DCAF10: variants seen among roughly 807,000 people sequenced by gnomAD.
The protein encoded by DCAF10 is DDB1- and CUL4-associated factor 10.
Under a neutral mutation model 51.9 loss-of-function variants are expected in DCAF10, and 19 were observed. That is an observed-to-expected ratio of 0.37 (90% confidence interval 0.26 to 0.54). The LOEUF is 0.54. Ranked by LOEUF, DCAF10 falls within the 20% of genes least tolerant of loss-of-function variation. DCAF10 has a pLI of 0.87. For synonymous variants in DCAF10, 291 were observed against 297.1 expected (o/e 0.98, Z 0.21); for missense variants, 510 against 730.6 (o/e 0.70, Z 3.48).
At chr9:37,811,289 A>T (rs1286012325) in intron 1 of DCAF10, among the ~76,000 whole-genome samples, 1 of 148,592 alleles carries the variant, frequency 6.7e-6, no homozygotes, top group African/African-American at 2.4e-5. Context: ...CTATAATCAC[A>T]TCACTACACT....
Position 37,861,526 on chromosome 9 carries a change from T to C in DCAF10, c.*18T>C. On this transcript the variant is annotated 3_prime_UTR_variant, in exon 7 of 7. Coordinates refer to ENST00000377724, the MANE Select transcript of DCAF10 (RefSeq NM_024345.5). The surrounding 1 kb of genome is among the most constrained non-coding windows in gnomAD (Gnocchi z 4.9). ...AGTTTTAGGCACAACTTACATCAAATAAGGAACTCTTCTGGTGTTTGACTT... is the reference window on the plus strand; with the variant it reads ...AGTTTTAGGCACAACTTACATCAAACAAGGAACTCTTCTGGTGTTTGACTT... The C allele has an allele frequency of 6.3e-7, 1 of 1,593,170 alleles. No homozygotes were observed. The highest frequency in any genetic ancestry group is 1.1e-5 in the South Asian group (1 of 89,668).
chr9:37,826,370 A>C (rs944397151), intron 2 of DCAF10, among the ~76,000 whole-genome samples: 1 of 152,212 alleles, frequency 6.6e-6, no homozygotes, highest in African/African-American at 2.4e-5. Flanking sequence ...GGACTGCAAA[A>C]ATTTAAAAGC....
intron 1 of DCAF10, among the ~76,000 whole-genome samples, chr9:37,806,161 C>A (rs1250010460): frequency 6.6e-6 from 1 of 152,188 alleles, no homozygotes; most frequent in Admixed American, 6.5e-5. Flanking sequence ...TCGTAGACTA[C>A]ATTCAGGCCT....
intron 3 of DCAF10, among the ~76,000 whole-genome samples, chr9:37,853,868 C>G (rs1830767053): frequency 6.6e-6 from 1 of 151,984 alleles, no homozygotes; most frequent in East Asian, 1.9e-4. Flanking sequence ...CACCCCTAGC[C>G]TACTGATCAT....
chr9:37,807,999 A>C (rs879795024), intron 1 of DCAF10, among the ~76,000 whole-genome samples: 1 of 152,120 alleles, frequency 6.6e-6, no homozygotes, highest in Non-Finnish European at 1.5e-5. Flanking sequence ...ACTTAACTGT[A>C]TGTAACAGCC....
intron 1 of DCAF10, among the ~76,000 whole-genome samples, chr9:37,817,329 G>A (rs1366320497): frequency 2.6e-5 from 4 of 152,206 alleles, no homozygotes; most frequent in African/African-American, 9.7e-5. Flanking sequence ...GGTTGGCTTT[G>A]TGTGGTGGCT....
chr9:37,819,313 C>G lies in DCAF10; in HGVS notation c.565C>G (p.Gln189Glu). 1.9e-6 allele frequency: 3 copies of G among 1,613,786 alleles called. No individual in the cohort carries two copies. Among genetic ancestry groups the G allele is most frequent in the Non-Finnish European group, 2.5e-6 (3 of 1,179,850 alleles). ...DGSVLTVACE[Q>E]TEVLLFDPIS... Reference sequence around the variant, plus strand: ...GTCAGTGCTGACAGTTGCTTGTGAACAAACTGAAGTTCTGCTTTTTGACCC... The same window carrying G: ...GTCAGTGCTGACAGTTGCTTGTGAAGAAACTGAAGTTCTGCTTTTTGACCC... Residue 189 changes from glutamine to glutamate, a missense_variant, in exon 2 of 7, where the codon CAA (glutamine) becomes GAA (glutamate). By Grantham distance (29) the Gln-to-Glu change is conservative. Transcript: ENST00000377724.
At chr9:37,812,136 C>T (rs1239894205) in intron 1 of DCAF10, among the ~76,000 whole-genome samples, 4 of 151,664 alleles carry the variant, frequency 2.6e-5, no homozygotes, top group Admixed American at 6.6e-5. Flanking sequence ...GCTGAGATTG[C>T]GCCACTGCAT....
rs563434018 is a variant in DCAF10 at position 37,823,915 on chromosome 9, A to G, written c.653+4514A>G. ...TTTTTTTTTGAGACAGAGTCTCACT[A>G]TGTTGCCCAGGCTGGAGTGCAGTGG... On this transcript the variant is annotated intron_variant, in intron 2 of 6. Coordinates refer to ENST00000377724, the MANE Select transcript of DCAF10 (RefSeq NM_024345.5). Among the ~76,000 whole-genome samples, 7 of 125,092 alleles carry G rather than the reference A, an allele frequency of 5.6e-5. No individual in the cohort carries two copies. The South Asian group carries it at 1.7e-3, about 30-fold the overall frequency. 82.1% of individuals were successfully genotyped at this position (125,092 alleles called of 152,430 possible).
rs1831108195 is a variant in DCAF10 at position 37,865,020 on chromosome 9, C to T, written c.*3512C>T. 6.6e-6 allele frequency: 1 copy of T among 151,776 alleles called. No individual in the cohort carries two copies. Among genetic ancestry groups the T allele is most frequent in the Non-Finnish European group, 1.5e-5 (1 of 67,976 alleles). 9.4% of individuals were successfully genotyped at this position (151,776 alleles called of 1,614,324 possible). On this transcript the variant is annotated 3_prime_UTR_variant, in exon 7 of 7. Coordinates refer to ENST00000377724, the MANE Select transcript of DCAF10 (RefSeq NM_024345.5). ...CTGTGCTTACTGCTTTACCATTGTG[C>T]TCTTTAGTTTGTAAAGTATGGTAAG...
intron 6 of DCAF10, 93 bp downstream of exon 6, chr9:37,860,286 C>T (rs1830976700): frequency 6.6e-7 from 1 of 1,518,994 alleles, no homozygotes; most frequent in East Asian, 2.3e-5. Context: ...TGACTGCAGT[C>T]TCTGCCTTCA....
chr9:37,843,393 A>G (rs1830389369), intron 3 of DCAF10, among the ~76,000 whole-genome samples: 2 of 152,154 alleles, frequency 1.3e-5, no homozygotes, highest in Admixed American at 6.6e-5. Flanking sequence ...AGCTACCCAT[A>G]CTCTTTGAGT....
At position 37,843,688 on chromosome 9, in the gene DCAF10, T is replaced by C. The variant is rs368224986; in HGVS notation, c.851+1402T>C. ...TATACAGGAAGGAGACCAAGTTGTATAGTTCATGATGAAAACTAGCTTACA... is the reference window on the plus strand; with the variant it reads ...TATACAGGAAGGAGACCAAGTTGTACAGTTCATGATGAAAACTAGCTTACA... On this transcript the variant is annotated intron_variant, in intron 3 of 6. Coordinates refer to ENST00000377724, the MANE Select transcript of DCAF10 (RefSeq NM_024345.5). Among the ~76,000 whole-genome samples, 146 of 152,372 alleles carry C rather than the reference T, an allele frequency of 9.6e-4. 3 individuals are homozygous for C. In the South Asian group the frequency reaches 0.028, roughly 29 times the overall value.
chr9:37,851,067 A>T (rs1830637551), intron 3 of DCAF10, among the ~76,000 whole-genome samples: 1 of 151,402 alleles, frequency 6.6e-6, no homozygotes. Flanking sequence ...AACATGGTGA[A>T]ACCTTGTCTG....
At position 37,857,489 on chromosome 9, in the gene DCAF10, GTCA is replaced by G. The variant is rs375865325; in HGVS notation, c.1165+144_1165+146del. 691 of 560,722 alleles carry G rather than the reference GTCA, an allele frequency of 1.2e-3. 3 individuals carry two copies. In the African/African-American group the frequency reaches 0.013, roughly 10 times the overall value. The allele number at this position is 560,722 out of a possible 1,614,324, so 34.7% of individuals were successfully genotyped here. ...TGGAGATGAGGTGATTTATCCCTCA[GTCA>G]TCATCTTCAAAAAGCTAACCGAGAG... is the stretch of plus-strand genomic sequence containing the variant. On this transcript the variant is annotated intron_variant, in intron 5 of 6. Transcript: ENST00000377724.
intron 2 of DCAF10, among the ~76,000 whole-genome samples, chr9:37,833,068 G>A (rs1460877052): frequency 6.6e-6 from 1 of 152,056 alleles, no homozygotes; most frequent in African/African-American, 2.4e-5. Context: ...GTTTCTCTAT[G>A]TTGCCGGGGC....
intron 5 of DCAF10, among the ~76,000 whole-genome samples, chr9:37,859,708 A>T (rs186929215): frequency 6.6e-6 from 1 of 152,354 alleles, no homozygotes; most frequent in Admixed American, 6.5e-5. Flanking sequence ...TTCATGTCAC[A>T]TAACTTTGGT....
At chr9:37,815,112 A>G (rs994200888) in intron 1 of DCAF10, among the ~76,000 whole-genome samples, 14 of 152,222 alleles carry the variant, frequency 9.2e-5, no homozygotes, top group Admixed American at 3.3e-4. Flanking sequence ...TCTCTTACAC[A>G]GTTTGACATA....
chr9:37,817,699 G>A (rs1173353544), intron 1 of DCAF10, among the ~76,000 whole-genome samples: 1 of 151,840 alleles, frequency 6.6e-6, no homozygotes, highest in Non-Finnish European at 1.5e-5. Context: ...CCAGGAATTT[G>A]AGACCAGCTT....
Sources: gnomAD v4.1 joint callset for allele counts (sites outside exome capture counted in the v4.1 genomes callset) on GRCh38, gnomAD v4.1.1 for gene constraint, Gnocchi (gnomAD v3.1) non-coding constraint, MANE v1.5 for transcripts, NCBI Gene and HGNC (gene_info 2026-07-23, HGNC 2026-07-21) for gene names.